SNRPD1: variants seen among roughly 807,000 people sequenced by gnomAD.
The protein encoded by SNRPD1 is small nuclear ribonucleoprotein Sm D1.
SNRPD1 carries 1 observed loss-of-function variant against 14.4 expected under a neutral mutation model. The observed-to-expected ratio is 0.07, with a 90% CI of 0.02 to 0.33. The LOEUF is 0.33. SNRPD1 is among the 10% of genes least tolerant of loss of function. The pLI, the probability that SNRPD1 is intolerant of heterozygous loss-of-function variation, is 1.00. For missense variants in SNRPD1, 52 were observed against 146.4 expected (o/e 0.36, Z 3.33); for synonymous variants, 42 against 50.3 (o/e 0.83, Z 0.70).
chr18:21,619,787 AAT>A (rs1388947314), intron 1 of SNRPD1, among the ~76,000 whole-genome samples: 6 of 151,972 alleles, frequency 3.9e-5, no homozygotes, highest in Admixed American at 1.3e-4. Flanking sequence ...CTCAAAAAAA[AAT>A]AGAATTTTAA....
intron 1 of SNRPD1, among the ~76,000 whole-genome samples, chr18:21,618,352 C>A (rs1439654874): frequency 6.6e-6 from 1 of 150,990 alleles, no homozygotes; most frequent in African/African-American, 2.4e-5. Context: ...AAAAAAAACA[C>A]AAAAAAAACC....
chr18:21,630,442 G>T lies in SNRPD1; in HGVS notation c.*1304G>T, dbSNP rs2039073135. ...GTGAGTTTTTTTTTTTTTAAGTAAA[G>T]AAATTTTCTGCAAAGATCGTTACCT... On this transcript the variant is annotated 3_prime_UTR_variant, in exon 4 of 4. Coordinates refer to ENST00000300413, the MANE Select transcript of SNRPD1 (RefSeq NM_006938.4). 6.6e-6 allele frequency: 1 copy of T among 151,110 alleles called. No individual in the cohort carries two copies. The highest frequency in any genetic ancestry group is 2.1e-4 in the South Asian group (1 of 4,786). 9.4% of individuals were successfully genotyped at this position (151,110 alleles called of 1,614,324 possible).
At chr18:21,619,809 G>A (rs914208770) in intron 1 of SNRPD1, among the ~76,000 whole-genome samples, 49 of 152,184 alleles carry the variant, frequency 3.2e-4, no homozygotes, top group African/African-American at 1.2e-3. Context: ...AAAAAAGACG[G>A]AGTCTTGCTC....
chr18:21,614,021 C>G (rs1355716115), intron 1 of SNRPD1, among the ~76,000 whole-genome samples: 1 of 151,976 alleles, frequency 6.6e-6, no homozygotes, highest in East Asian at 1.9e-4. Context: ...GCCTGTAATC[C>G]CAACACTTTG....
intron 1 of SNRPD1, among the ~76,000 whole-genome samples, chr18:21,622,333 G>A (rs1223809708): frequency 6.6e-6 from 1 of 151,868 alleles, no homozygotes; most frequent in Non-Finnish European, 1.5e-5. Flanking sequence ...GTAGAGACGG[G>A]GTTTCACCAT....
In SNRPD1 at chr18:21,633,420, C is replaced by T. The variant is rs2039100216; in HGVS notation, c.*4282C>T. 1 of 152,118 alleles carries T rather than the reference C, an allele frequency of 6.6e-6. No homozygotes were observed. The highest frequency in any genetic ancestry group is 1.5e-5 in the Non-Finnish European group (1 of 68,022). 9.4% of individuals were successfully genotyped at this position (152,118 alleles called of 1,614,324 possible). A position where few individuals can be genotyped will look rare whatever the true frequency, so the allele number is the denominator to read the frequency against. On this transcript the variant is annotated 3_prime_UTR_variant, in exon 4 of 4. Transcript: ENST00000300413. ...CAAGAAGAATCTCTGTCATAATAAA[C>T]CAACAGCAGACATTTTCTAAAGGCA...
At chr18:21,613,702 A>T (rs1218490115) in intron 1 of SNRPD1, among the ~76,000 whole-genome samples, 1 of 151,896 alleles carries the variant, frequency 6.6e-6, no homozygotes, top group South Asian at 2.1e-4. Context: ...GAAAATTACA[A>T]AAGTTAGTGG....
At chr18:21,623,654 CT>C in intron 2 of SNRPD1, 93 bp from the exon 3 acceptor site, 1 of 886,430 alleles carries the variant, frequency 1.1e-6, no homozygotes, top group Non-Finnish European at 1.8e-6. Flanking sequence ...GAACAGTAAT[CT>C]TTTGTAGTCC....
At chr18:21,620,565 T>G (rs2038989944) in intron 1 of SNRPD1, among the ~76,000 whole-genome samples, 1 of 152,178 alleles carries the variant, frequency 6.6e-6, no homozygotes, top group Non-Finnish European at 1.5e-5. Context: ...GATTTGTGCC[T>G]TACACTGCAT....
intron 1 of SNRPD1, among the ~76,000 whole-genome samples, chr18:21,616,832 T>C (rs2038961507): frequency 6.6e-6 from 1 of 151,802 alleles, no homozygotes; most frequent in Admixed American, 6.6e-5. Context: ...ACTACAGGCA[T>C]GTGCCACTAT....
rs567930069 is a variant in SNRPD1, at chr18:21,631,805, T to C, written c.*2667T>C. 2 of 152,184 alleles carry C rather than the reference T, an allele frequency of 1.3e-5. No homozygotes were observed. Among genetic ancestry groups the C allele is most frequent in the Non-Finnish European group, 2.9e-5 (2 of 68,016 alleles). 9.4% of individuals were successfully genotyped at this position (152,184 alleles called of 1,614,324 possible). ...CATTCTTTTCCATCTTCTGACCTGT[T>C]GGTGCTCCTATTGCTTGTATCCAAG... is the stretch of plus-strand genomic sequence containing the variant. On this transcript the variant is annotated 3_prime_UTR_variant, in exon 4 of 4. Transcript: ENST00000300413.
intron 3 of SNRPD1, among the ~76,000 whole-genome samples, chr18:21,625,703 C>T (rs985181988): frequency 5.9e-5 from 9 of 152,122 alleles, no homozygotes; most frequent in African/African-American, 1.2e-4. Context: ...CTCCGCTTCC[C>T]GGGTTCACAC....
At chr18:21,620,229 C>T (rs565975312) in intron 1 of SNRPD1, among the ~76,000 whole-genome samples, 31 of 152,270 alleles carry the variant, frequency 2.0e-4, no homozygotes, top group African/African-American at 6.5e-4. Context: ...GCTGGGGTTA[C>T]AGGCATGAGC....
chr18:21,623,503 A>T (rs1488454769), intron 2 of SNRPD1, among the ~76,000 whole-genome samples: 1 of 152,216 alleles, frequency 6.6e-6, no homozygotes, highest in Non-Finnish European at 1.5e-5. Context: ...GGGTTCTTCC[A>T]TGGCTTGCTG....
chr18:21,628,574 T>C (rs2039057556), intron 3 of SNRPD1, among the ~76,000 whole-genome samples: 1 of 152,064 alleles, frequency 6.6e-6, no homozygotes, highest in African/African-American at 2.4e-5. Context: ...TCAAATGAGT[T>C]TTAATTTTCT....
At position 21,630,421 on chromosome 18, in the gene SNRPD1, G is replaced by A. The variant is rs1379654646; in HGVS notation, c.*1283G>A. The stretch of plus-strand genomic sequence containing the variant: ...ATCTGTATTTTCATCATGTATGTGA[G>A]TTTTTTTTTTTTTAAGTAAAGAAAT... On this transcript the variant is annotated 3_prime_UTR_variant, in exon 4 of 4. Transcript: ENST00000300413. 1 of 145,322 alleles carries A rather than the reference G, an allele frequency of 6.9e-6. No homozygotes were observed. The highest frequency in any genetic ancestry group is 2.5e-5 in the African/African-American group (1 of 39,800). The allele number at this position is 145,322 out of a possible 1,614,324, so 9.0% of individuals were successfully genotyped here. A position where few individuals can be genotyped will look rare whatever the true frequency, so the allele number is the denominator to read the frequency against.
At chr18:21,620,437 C>T (rs546351900) in intron 1 of SNRPD1, among the ~76,000 whole-genome samples, 2 of 152,188 alleles carry the variant, frequency 1.3e-5, no homozygotes, top group Admixed American at 6.6e-5. Context: ...TTTTCATCCT[C>T]TGCAAAATTT....
At position 21,630,301 on chromosome 18, in the gene SNRPD1, C is replaced by T. The variant is rs755979979; in HGVS notation, c.*1163C>T. 2 of 152,030 alleles carry T rather than the reference C, an allele frequency of 1.3e-5. No individual in the cohort carries two copies. Among genetic ancestry groups the T allele is most frequent in the Non-Finnish European group, 2.9e-5 (2 of 67,996 alleles). 9.4% of individuals were successfully genotyped at this position (152,030 alleles called of 1,614,324 possible). A position where few individuals can be genotyped will look rare whatever the true frequency, so the allele number is the denominator to read the frequency against. ...AAAATTGTTTTTGATTTGCTAAGCT[C>T]AGAAAAAATGTCTCTCAGTGCATCA... On this transcript the variant is annotated 3_prime_UTR_variant, in exon 4 of 4. Transcript: ENST00000300413.
intron 3 of SNRPD1, among the ~76,000 whole-genome samples, chr18:21,624,503 T>A (rs778737979): frequency 1.3e-5 from 2 of 151,572 alleles, no homozygotes; most frequent in Non-Finnish European, 2.9e-5. Flanking sequence ...ACCAGCCTGG[T>A]CAACATGGCG....
Sources: gnomAD v4.1 joint callset for allele counts (sites outside exome capture counted in the v4.1 genomes callset) on GRCh38, gnomAD v4.1.1 for gene constraint, MANE v1.5 for transcripts, NCBI Gene and HGNC (gene_info 2026-07-23, HGNC 2026-07-21) for gene names.